The following KIR2DL3 variants were observed in gnomAD, a reference collection of about 807,000 sequenced individuals.
KIR2DL3 encodes the protein killer cell immunoglobulin like receptor, two Ig domains and long cytoplasmic tail 3.
Under a neutral mutation model 33.8 loss-of-function variants are expected in KIR2DL3, and 39 were observed. The observed-to-expected ratio is 1.15, with a 90% CI of 0.89 to 1.51. The LOEUF (loss-of-function observed/expected upper bound fraction) is 1.51. Among genes scored for constraint, KIR2DL3 ranks in the 40% most tolerant of loss-of-function variants. The pLI is 0.00. For missense variants in KIR2DL3, 462 were observed against 426.2 expected (o/e 1.08, Z -0.74); for synonymous variants, 174 against 160.2 (o/e 1.09, Z -0.65).
chr19:54,741,318 T>G (rs75936534), intron 2 of KIR2DL3, among the ~76,000 whole-genome samples: 8,954 of 149,638 alleles, frequency 0.06, 363 homozygotes, highest in African/African-American at 0.12. Context: ...CCAGCCTGGG[T>G]GAAGGAGTGA....
At chr19:54,739,033 ATATGGGCCAGGAGTGGAGT>A in intron 1 of KIR2DL3, among the ~76,000 whole-genome samples, 1 of 132,640 alleles carries the variant, frequency 7.5e-6, no homozygotes, top group East Asian at 2.5e-4. Context: ...TGGAGTGGAG[ATATGGGCCAGGAGTGGAGT>A]TATGGGCCTA....
At chr19:54,743,388 T>C (rs1397359366) in intron 3 of KIR2DL3, among the ~76,000 whole-genome samples, 6 of 152,040 alleles carry the variant, frequency 3.9e-5, no homozygotes, top group African/African-American at 1.2e-4. Context: ...AGATGATATA[T>C]AGATATAGAT....
intron 2 of KIR2DL3, 110 bp downstream of exon 2, chr19:54,739,652 C>A: frequency 6.3e-7 from 1 of 1,576,828 alleles, no homozygotes; most frequent in Non-Finnish European, 8.7e-7. Context: ...AAGAGAGGAC[C>A]CTGGGGTGCT....
intron 1 of KIR2DL3, 37 bp downstream of exon 1, chr19:54,738,616 G>A (rs753242502): frequency 1.7e-5 from 27 of 1,613,836 alleles, no homozygotes; most frequent in Non-Finnish European, 2.2e-5. Context: ...GGGAGTGCGG[G>A]GATGGAGATC....
intron 4 of KIR2DL3, among the ~76,000 whole-genome samples, chr19:54,744,948 ATATATATT>A (rs1291805754): frequency 4.2e-4 from 11 of 26,250 alleles, no homozygotes; most frequent in Middle Eastern, 0.017. Context: ...ATATATATAT[ATATATATT>A]TTTTTTTTTT....
At position 54,751,794 on chromosome 19, in the gene KIR2DL3, G is replaced by T. The variant is rs1423360339; in HGVS notation, c.820+41G>T. On this transcript the variant is annotated intron_variant, in intron 6 of 7. Coordinates refer to ENST00000342376, the MANE Select transcript of KIR2DL3 (RefSeq NM_015868.3). ...CAGAGGCCAGAGAGCTCAGGGCCATGTGGGGAAGCAGGATGGGAGCACTCA... is the reference window on the plus strand; with the variant it reads ...CAGAGGCCAGAGAGCTCAGGGCCATTTGGGGAAGCAGGATGGGAGCACTCA... The T allele has an allele frequency of 2.2e-6, 3 of 1,386,994 alleles. 1 individual carries two copies. Among genetic ancestry groups the T allele is most frequent in the South Asian group, 2.7e-5 (2 of 74,278 alleles). The allele number at this position is 1,386,994 out of a possible 1,614,324, so 85.9% of individuals were successfully genotyped here.
rs1291535153 is a variant in KIR2DL3, at chr19:54,751,287, T to C, written c.716-362T>C. On this transcript the variant is annotated intron_variant, in intron 5 of 7. Transcript: ENST00000342376. Reference sequence around the variant, plus strand: ...TTTGAACAACCAGCTCTCCAGGAACTAATAGAAGGGGAACTTGCTAACCCC... The same window carrying C: ...TTTGAACAACCAGCTCTCCAGGAACCAATAGAAGGGGAACTTGCTAACCCC... 1.5e-5 allele frequency among the ~76,000 whole-genome samples: 2 copies of C among 131,016 alleles called. 1 individual carries two copies. Among genetic ancestry groups the C allele is most frequent in the Non-Finnish European group, 3.3e-5 (2 of 60,150 alleles). 86.0% of individuals were successfully genotyped at this position (131,016 alleles called of 152,430 possible). A position where few individuals can be genotyped will look rare whatever the true frequency, so the allele number is the denominator to read the frequency against.
intron 5 of KIR2DL3, among the ~76,000 whole-genome samples, chr19:54,747,895 C>G (rs912095688): frequency 1.7e-4 from 26 of 152,238 alleles, no homozygotes; most frequent in African/African-American, 6.0e-4. Flanking sequence ...CGGCCCCATG[C>G]TCAGGCTGTG....
chr19:54,744,208 A>G, intron 4 of KIR2DL3, 120 bp downstream of exon 4: 1 of 1,485,158 alleles, frequency 6.7e-7, no homozygotes, highest in Non-Finnish European at 9.2e-7. Flanking sequence ...CTTGGGTGTG[A>G]GGGAGGGATC....
intron 2 of KIR2DL3, 109 bp downstream of exon 2, chr19:54,739,651 C>T (rs2070629692): frequency 1.9e-6 from 3 of 1,575,370 alleles, no homozygotes; most frequent in Non-Finnish European, 2.6e-6. Flanking sequence ...GAAGAGAGGA[C>T]CCTGGGGTGC....
rs1409931590 is a variant in KIR2DL3, at chr19:54,738,534, A to C, written c.-12A>C. The C allele has an allele frequency of 6.2e-7, 1 of 1,613,994 alleles. No individual in the cohort carries two copies. Among genetic ancestry groups the C allele is most frequent in the Non-Finnish European group, 8.5e-7 (1 of 1,179,992 alleles). On this transcript the variant is annotated 5_prime_UTR_variant, in exon 1 of 8. Coordinates refer to ENST00000342376, the MANE Select transcript of KIR2DL3 (RefSeq NM_015868.3). The stretch of plus-strand genomic sequence containing the variant: ...AGCTGGGGCGCGGCCGCCTGTCTGC[A>C]CAGACAGCACCATGTCGCTCATGGT...
At position 54,751,413 on chromosome 19, in the gene KIR2DL3, A is replaced by G. The variant is rs1193997224; in HGVS notation, c.716-236A>G. 9.8e-5 allele frequency among the ~76,000 whole-genome samples: 13 copies of G among 132,754 alleles called. 3 individuals are homozygous for G. The highest frequency in any genetic ancestry group is 2.1e-4 in the Non-Finnish European group (13 of 60,742). 87.1% of individuals were successfully genotyped at this position (132,754 alleles called of 152,430 possible). A position where few individuals can be genotyped will look rare whatever the true frequency, so the allele number is the denominator to read the frequency against. ...CTCCCACAGTGGGGGTGAAATTTCAATGTGAGGTTTGAAGGGGTCAAACAT... is the reference window on the plus strand; with the variant it reads ...CTCCCACAGTGGGGGTGAAATTTCAGTGTGAGGTTTGAAGGGGTCAAACAT... On this transcript the variant is annotated intron_variant, in intron 5 of 7. Coordinates refer to ENST00000342376, the MANE Select transcript of KIR2DL3 (RefSeq NM_015868.3).
At position 54,750,186 on chromosome 19, in the gene KIR2DL3, C is replaced by T. The variant is rs1457865195; in HGVS notation, c.716-1463C>T. Among the ~76,000 whole-genome samples, 2 of 133,464 alleles carry T rather than the reference C, an allele frequency of 1.5e-5. 1 individual carries two copies. The highest frequency in any genetic ancestry group is 3.3e-5 in the Non-Finnish European group (2 of 60,972). 87.6% of individuals were successfully genotyped at this position (133,464 alleles called of 152,430 possible). A position where few individuals can be genotyped will look rare whatever the true frequency, so the allele number is the denominator to read the frequency against. ...TTGCCCACTCACCCAAATCCCCCAC[C>T]TCACCCCTACTTCCAATCACCTGTG... On this transcript the variant is annotated intron_variant, in intron 5 of 7. Coordinates refer to ENST00000342376, the MANE Select transcript of KIR2DL3 (RefSeq NM_015868.3).
At chr19:54,745,989 T>A (rs1342918571) in intron 4 of KIR2DL3, among the ~76,000 whole-genome samples, 1 of 132,222 alleles carries the variant, frequency 7.6e-6, no homozygotes. Flanking sequence ...AATTTTGTAT[T>A]TTTAGTAGAG....
intron 2 of KIR2DL3, among the ~76,000 whole-genome samples, chr19:54,741,560 G>C (rs2071115947): frequency 2.0e-5 from 3 of 152,146 alleles, no homozygotes; most frequent in East Asian, 1.9e-4. Flanking sequence ...AACAGGGTGT[G>C]TGGACACTGG....
At chr19:54,749,166 G>A (rs1194763527) in intron 5 of KIR2DL3, among the ~76,000 whole-genome samples, 12 of 150,178 alleles carry the variant, frequency 8.0e-5, no homozygotes, top group Admixed American at 1.3e-4. Flanking sequence ...ATGACAAGAC[G>A]ACTGTAGAGA....
chr19:54,744,894 A>ATG (rs1398189964), intron 4 of KIR2DL3, among the ~76,000 whole-genome samples: 2 of 52,758 alleles, frequency 3.8e-5, no homozygotes, highest in East Asian at 6.6e-4. Flanking sequence ...ATATATATAT[A>ATG]TATACACACA....
At chr19:54,738,687 T>G in intron 1 of KIR2DL3, 108 bp downstream of exon 1, 1 of 1,574,912 alleles carries the variant, frequency 6.3e-7, no homozygotes, top group South Asian at 1.1e-5. Flanking sequence ...GATGGAGTGA[T>G]GGGCCTAGAA....
At chr19:54,744,897 T>C (rs569858019) in intron 4 of KIR2DL3, among the ~76,000 whole-genome samples, 1,150 of 57,098 alleles carry the variant, frequency 0.02, 12 homozygotes, top group African/African-American at 0.032. Flanking sequence ...TATATATATA[T>C]ACACACACAC....
Sources: gnomAD v4.1 joint callset for allele counts (sites outside exome capture counted in the v4.1 genomes callset) on GRCh38, gnomAD v4.1.1 for gene constraint, MANE v1.5 for transcripts, NCBI Gene and HGNC (gene_info 2026-07-23, HGNC 2026-07-21) for gene names.